ACTR3C: variants seen among roughly 807,000 people sequenced by gnomAD.
ACTR3C encodes the protein actin-related protein 3C.
ACTR3C carries 18 observed loss-of-function variants against 26.3 expected under a neutral mutation model. The observed-to-expected ratio is 0.68, with a 90% CI of 0.47 to 1.01. The LOEUF is 1.01. Among genes scored for constraint, ACTR3C ranks in the 50% least tolerant of loss-of-function variants. The pLI is 0.00. For missense variants in ACTR3C, 184 were observed against 250.7 expected (o/e 0.73, Z 1.80); for synonymous variants, 55 against 94.5 (o/e 0.58, Z 2.42).
chr7:150,076,734 A>G, the ACTR3C span: 1 of 152,080 alleles, frequency 6.6e-6, no homozygotes, highest in Non-Finnish European at 1.5e-5. Flanking sequence ...GCACCCCTAA[A>G]TTCTAATAAT....
At chr7:150,108,662 G>C in the ACTR3C span, among the ~76,000 whole-genome samples, 1 of 150,444 alleles carries the variant, frequency 6.6e-6, no homozygotes, top group South Asian at 2.1e-4. Context: ...GAGAAGGTTC[G>C]TTCTCTTCCA....
the ACTR3C span, among the ~76,000 whole-genome samples, chr7:149,976,699 C>T: frequency 6.6e-6 from 1 of 151,536 alleles, no homozygotes; most frequent in South Asian, 2.1e-4. Flanking sequence ...AAAAACACAT[C>T]ACCTCCCACC....
the ACTR3C span, among the ~76,000 whole-genome samples, chr7:150,044,572 C>A: frequency 4.5e-4 from 69 of 152,294 alleles, no homozygotes; most frequent in East Asian, 0.013. Context: ...CATTTAGACC[C>A]TGCATTATTA....
chr7:150,118,041 A>G, the ACTR3C span, among the ~76,000 whole-genome samples: 2 of 152,234 alleles, frequency 1.3e-5, no homozygotes, highest in African/African-American at 4.8e-5. Context: ...TAGCATCGAC[A>G]TAAACAAAAA....
At chr7:149,893,787 C>T in the ACTR3C span, among the ~76,000 whole-genome samples, 4 of 152,132 alleles carry the variant, frequency 2.6e-5, no homozygotes, top group Admixed American at 1.3e-4. Context: ...GATGAAAGTA[C>T]GACTCTGTAG....
At chr7:150,058,709 A>G in the ACTR3C span, among the ~76,000 whole-genome samples, 1 of 152,132 alleles carries the variant, frequency 6.6e-6, no homozygotes, top group African/African-American at 2.4e-5. Flanking sequence ...GAGGTCAGGA[A>G]ATCGAGACCA....
the ACTR3C span, among the ~76,000 whole-genome samples, chr7:149,960,071 A>G: frequency 6.6e-6 from 1 of 151,670 alleles, no homozygotes; most frequent in African/African-American, 2.4e-5. Flanking sequence ...TTGTAGATTA[A>G]TGTTTTCCAG....
At chr7:150,251,101 G>A (rs1832820461) in intron 6 of ACTR3C, among the ~76,000 whole-genome samples, 1 of 152,130 alleles carries the variant, frequency 6.6e-6, no homozygotes, top group Non-Finnish European at 1.5e-5. Flanking sequence ...GTAGTCACTT[G>A]ATAATATTTA....
the ACTR3C span, among the ~76,000 whole-genome samples, chr7:149,949,974 C>T: frequency 0.038 from 5,242 of 138,936 alleles, 250 homozygotes; most frequent in African/African-American, 0.14. Context: ...GGCAATGAAG[C>T]GAGTGCACTC....
chr7:149,899,442 T>A, the ACTR3C span, among the ~76,000 whole-genome samples: 3 of 144,988 alleles, frequency 2.1e-5, no homozygotes, highest in Non-Finnish European at 4.5e-5. Context: ...GACAAAACCA[T>A]ATGGAAATTC....
chr7:149,925,343 T>C, the ACTR3C span, among the ~76,000 whole-genome samples: 1 of 152,146 alleles, frequency 6.6e-6, no homozygotes, highest in Non-Finnish European at 1.5e-5. Context: ...AGGCTTTCTC[T>C]CCCGGAACTA....
chr7:150,023,987 AGAG>A, the ACTR3C span, among the ~76,000 whole-genome samples: 9 of 148,680 alleles, frequency 6.1e-5, no homozygotes, highest in Admixed American at 6.8e-5. Context: ...GCACAGATTT[AGAG>A]GAGAAGGCAG....
the ACTR3C span, among the ~76,000 whole-genome samples, chr7:149,930,679 G>T: frequency 3.3e-5 from 5 of 152,222 alleles, no homozygotes; most frequent in Non-Finnish European, 5.9e-5. Context: ...TGGTCTGTTC[G>T]CTGGTGTTTT....
chr7:150,237,054 A>T, the ACTR3C span, among the ~76,000 whole-genome samples: 9 of 151,670 alleles, frequency 5.9e-5, no homozygotes, highest in Non-Finnish European at 1.3e-4. Flanking sequence ...AGCCAGGGGT[A>T]GGTGAAGCCC....
chr7:150,241,793 T>C (rs1191303834), downstream of ACTR3C, among the ~76,000 whole-genome samples: 1 of 152,188 alleles, frequency 6.6e-6, no homozygotes, highest in Non-Finnish European at 1.5e-5. Flanking sequence ...AAAGACAAGC[T>C]ATCAATAGAA....
At chr7:150,220,265 G>A in the ACTR3C span, among the ~76,000 whole-genome samples, 1 of 147,878 alleles carries the variant, frequency 6.8e-6, no homozygotes, top group Non-Finnish European at 1.5e-5. Context: ...TTCCCCGGGG[G>A]ATACCTGACG....
the ACTR3C span, among the ~76,000 whole-genome samples, chr7:149,952,460 A>T: frequency 2.0e-5 from 3 of 147,482 alleles, no homozygotes; most frequent in Middle Eastern, 3.4e-3. Context: ...AATTGAAAAG[A>T]TTGGTAAATT....
At chr7:150,114,620 G>A in the ACTR3C span, among the ~76,000 whole-genome samples, 22 of 152,248 alleles carry the variant, frequency 1.4e-4, no homozygotes, top group African/African-American at 4.3e-4. Context: ...TGACAAACGC[G>A]TATCTATTTT....
the ACTR3C span, among the ~76,000 whole-genome samples, chr7:150,182,639 C>T: frequency 6.6e-6 from 1 of 150,676 alleles, no homozygotes; most frequent in Non-Finnish European, 1.5e-5. Flanking sequence ...TTTTTATGAG[C>T]TTCACTGCAA....
Sources: allele counts gnomAD v4.1 joint callset (sites outside exome capture counted in the v4.1 genomes callset), GRCh38; gene constraint gnomAD v4.1.1; transcripts MANE v1.5; gene names NCBI Gene and HGNC (gene_info 2026-07-23, HGNC 2026-07-21).